FTO: variants seen among roughly 807,000 people sequenced by gnomAD.
FTO encodes alpha-ketoglutarate-dependent dioxygenase FTO.
In FTO, 47 loss-of-function variants were observed where a neutral mutation model predicts 63.9. The ratio of observed to expected loss-of-function variants is 0.74; its 90% CI spans 0.58 to 0.94. FTO has a LOEUF of 0.94. Ranked by LOEUF, FTO falls within the 40% of genes least tolerant of loss-of-function variation. The pLI is 0.00. For synonymous variants in FTO, 207 were observed against 224.4 expected (o/e 0.92, Z 0.69); for missense variants, 562 against 618.1 (o/e 0.91, Z 0.96).
intron 1 of FTO, among the ~76,000 whole-genome samples, chr16:53,737,526 T>A (rs1567942373): frequency 6.6e-6 from 1 of 152,194 alleles, no homozygotes; most frequent in African/African-American, 2.4e-5. Context: ...TCTAAACATA[T>A]AAAAGGTGCA....
intron 4 of FTO, among the ~76,000 whole-genome samples, chr16:53,873,337 T>C (rs1225882672): frequency 1.3e-5 from 2 of 152,094 alleles, no homozygotes; most frequent in Non-Finnish European, 2.9e-5. Context: ...CTGAGGACAG[T>C]CCTGGTTTAT....
intron 8 of FTO, among the ~76,000 whole-genome samples, chr16:54,092,502 G>T (rs1015260930): frequency 6.6e-6 from 1 of 152,098 alleles, no homozygotes; most frequent in Non-Finnish European, 1.5e-5. Flanking sequence ...GCAAGTCATG[G>T]CTGTCCAAAA....
At chr16:53,940,305 C>A (rs1420352632) in intron 8 of FTO, among the ~76,000 whole-genome samples, 1 of 152,084 alleles carries the variant, frequency 6.6e-6, no homozygotes, top group African/African-American at 2.4e-5. Flanking sequence ...TAAAACATGG[C>A]GGACTTAAGG....
At chr16:53,844,062 T>C in intron 3 of FTO, 93 bp from the exon 4 acceptor site, 1 of 947,680 alleles carries the variant, frequency 1.1e-6, no homozygotes, top group Non-Finnish European at 1.6e-6. Context: ...TCATATTTTA[T>C]TAAAATATCA....
chr16:53,946,094 G>A (rs2082644868), intron 8 of FTO, among the ~76,000 whole-genome samples: 1 of 152,002 alleles, frequency 6.6e-6, no homozygotes, highest in Non-Finnish European at 1.5e-5. Flanking sequence ...GAAGGGGAAG[G>A]AACAGCTCTA....
chr16:53,804,528 T>A (rs2078305841), intron 1 of FTO, among the ~76,000 whole-genome samples: 1 of 152,156 alleles, frequency 6.6e-6, no homozygotes, highest in East Asian at 1.9e-4. Flanking sequence ...CAAGGAATGC[T>A]AAATTTGTTG....
At chr16:53,833,046 A>G (rs978911495) in intron 3 of FTO, among the ~76,000 whole-genome samples, 1 of 152,218 alleles carries the variant, frequency 6.6e-6, no homozygotes, top group African/African-American at 2.4e-5. Context: ...GGGAGGGACC[A>G]AAGAGGAACT....
intron 7 of FTO, among the ~76,000 whole-genome samples, chr16:53,915,130 GA>G (rs1455445993): frequency 1.3e-5 from 2 of 152,170 alleles, no homozygotes; most frequent in African/African-American, 4.8e-5. Flanking sequence ...TCAATGGGCA[GA>G]ATTTTGGGGG....
intron 1 of FTO, among the ~76,000 whole-genome samples, chr16:53,776,941 G>C (rs998920687): frequency 6.6e-6 from 1 of 151,946 alleles, no homozygotes; most frequent in Non-Finnish European, 1.5e-5. Flanking sequence ...AAACATTTTT[G>C]TTTTTAATTG....
rs2075718077 is a variant in FTO, at chr16:53,709,594, G to C, written c.45+5365G>C. Among the ~76,000 whole-genome samples, 3 of 152,060 alleles carry C rather than the reference G, an allele frequency of 2.0e-5. No homozygotes were observed. The South Asian group carries it at 6.2e-4, about 32-fold the overall frequency. On this transcript the variant is annotated intron_variant, in intron 1 of 8. Coordinates refer to ENST00000471389, the MANE Select transcript of FTO (RefSeq NM_001080432.3). The stretch of plus-strand genomic sequence containing the variant: ...GGTGGCCTGAGGGGTCCTCTGCTGG[G>C]GTGGGGCTGGCCCTATGCATTTTTT...
chr16:54,046,021 C>T (rs1380881117), intron 8 of FTO, among the ~76,000 whole-genome samples: 94 of 66,210 alleles, frequency 1.4e-3, no homozygotes, highest in Non-Finnish European at 1.5e-3. Flanking sequence ...TGGGCAAAAA[C>T]TGGAAGCATT....
At chr16:54,007,568 T>C (rs1419777982) in intron 8 of FTO, among the ~76,000 whole-genome samples, 1 of 152,220 alleles carries the variant, frequency 6.6e-6, no homozygotes, top group Non-Finnish European at 1.5e-5. Flanking sequence ...GTTACTGTTA[T>C]TAATAGATCA....
At chr16:54,070,052 T>C (rs1441028304) in intron 8 of FTO, 3 of 152,154 alleles carry the variant, frequency 2.0e-5, no homozygotes, top group African/African-American at 7.2e-5. Flanking sequence ...TTAAATGAGA[T>C]AGTGTATAGT....
chr16:53,883,646 A>AAAAAAAC lies in FTO; in HGVS notation c.1119+3662_1119+3663insAAACAAA, dbSNP rs1555489016. On this transcript the variant is annotated intron_variant, in intron 6 of 8. Transcript: ENST00000471389. ...TCAAAAAAAAAAAAACAAAAAAAAA[A>AAAAAAAC]AAACAAATTTGTCTGCTTCAGAAAG... Among the ~76,000 whole-genome samples the AAAAAAAC allele has an allele frequency of 6.0e-4, 81 of 135,742 alleles. 3 individuals are homozygous for AAAAAAAC. The highest frequency in any genetic ancestry group is 1.3e-3 in the African/African-American group (45 of 33,348). The allele number at this position is 135,742 out of a possible 152,430, so 89.1% of individuals were successfully genotyped here.
chr16:53,857,268 G>T (rs1056396493), intron 4 of FTO, among the ~76,000 whole-genome samples: 1 of 152,038 alleles, frequency 6.6e-6, no homozygotes, highest in African/African-American at 2.4e-5. Flanking sequence ...CCTAGTGTCT[G>T]TTGTTCCTTT....
chr16:53,727,429 A>G (rs975410508), intron 1 of FTO, among the ~76,000 whole-genome samples: 1 of 152,220 alleles, frequency 6.6e-6, no homozygotes, highest in Admixed American at 6.5e-5. Flanking sequence ...TATGATTACT[A>G]TCTCATTTAA....
chr16:53,855,543 G>GT (rs1393336912), intron 4 of FTO, among the ~76,000 whole-genome samples: 5 of 148,754 alleles, frequency 3.4e-5, no homozygotes, highest in African/African-American at 1.3e-4. Context: ...CCAAGAACTG[G>GT]CTTTTTTTTT....
chr16:54,090,773 G>A (rs944944248), intron 8 of FTO, among the ~76,000 whole-genome samples: 2 of 152,308 alleles, frequency 1.3e-5, no homozygotes, highest in South Asian at 4.1e-4. Flanking sequence ...GGCTCAGCTG[G>A]ACAGGTGGTT....
intron 4 of FTO, among the ~76,000 whole-genome samples, chr16:53,870,150 T>C (rs1477666685): frequency 6.6e-6 from 1 of 152,152 alleles, no homozygotes; most frequent in Non-Finnish European, 1.5e-5. Context: ...CTAGGTGGCA[T>C]TGAAGTATGT....
Sources: allele counts gnomAD v4.1 joint callset (sites outside exome capture counted in the v4.1 genomes callset), GRCh38; gene constraint gnomAD v4.1.1; transcripts MANE v1.5; gene names NCBI Gene and HGNC (gene_info 2026-07-23, HGNC 2026-07-21).